The following CDC42BPB variants were observed in gnomAD, a reference collection of about 807,000 sequenced individuals.
CDC42BPB encodes the protein CDC42 binding protein kinase beta.
CDC42BPB carries 37 observed loss-of-function variants against 214.9 expected under a neutral mutation model. The observed-to-expected ratio is 0.17, with a 90% CI of 0.13 to 0.23. CDC42BPB has a LOEUF of 0.23. CDC42BPB is among the 10% of genes least tolerant of loss of function. CDC42BPB has a pLI of 1.00. For synonymous variants in CDC42BPB, 931 were observed against 884.0 expected (o/e 1.05, Z -0.94); for missense variants, 1,694 against 2,227.0 (o/e 0.76, Z 4.82).
At chr14:103,008,249 C>T (rs1362661060) in intron 3 of CDC42BPB, among the ~76,000 whole-genome samples, 1 of 152,236 alleles carries the variant, frequency 6.6e-6, no homozygotes, top group Non-Finnish European at 1.5e-5. Flanking sequence ...CTCGAGGGTG[C>T]ACTCTCAGGA....
At chr14:102,959,552 G>A in intron 21 of CDC42BPB, 79 bp downstream of exon 21, 1 of 954,670 alleles carries the variant, frequency 1.0e-6, no homozygotes, top group East Asian at 2.5e-5. Context: ...GTGGCCCCAT[G>A]AGTGGTAAAA....
intron 1 of CDC42BPB, among the ~76,000 whole-genome samples, chr14:103,049,933 G>C (rs541232429): frequency 2.5e-4 from 38 of 152,248 alleles, no homozygotes; most frequent in African/African-American, 7.7e-4. Flanking sequence ...GGCTGGTCTT[G>C]AACTACTGAC....
chr14:102,936,607 G>A (rs528884620), intron 36 of CDC42BPB, among the ~76,000 whole-genome samples: 8 of 152,130 alleles, frequency 5.3e-5, no homozygotes, highest in Non-Finnish European at 1.0e-4. Context: ...AGGGAGGGAC[G>A]GGGAGAGAGT....
chr14:103,056,222 C>T (rs1888939500), intron 1 of CDC42BPB, among the ~76,000 whole-genome samples: 1 of 152,070 alleles, frequency 6.6e-6, no homozygotes, highest in South Asian at 2.1e-4. Flanking sequence ...TAAGTGATAG[C>T]TCCAGCTACC....
intron 20 of CDC42BPB, 128 bp from the exon 21 acceptor site, chr14:102,959,838 TAAAAAAAAA>T: frequency 2.8e-6 from 2 of 718,152 alleles, no homozygotes; most frequent in Admixed American, 1.0e-4. Context: ...TGATCACAAT[TAAAAAAAAA>T]AAAAAAAAAA....
rs969259163 is a variant in CDC42BPB, at chr14:102,972,409, G to A, written c.1642-248C>T. ...CACACCAAGAAAGGCCCCACAGGCC[G>A]GGCACAGTGGCTCACACCTGTAACC... On this transcript the variant is annotated intron_variant, in intron 12 of 36. Transcript: ENST00000361246. 91 of 842,522 alleles carry A rather than the reference G, an allele frequency of 1.1e-4. No individual in the cohort carries two copies. In the Admixed American group the frequency reaches 1.3e-3, roughly 12 times the overall value. The allele number at this position is 842,522 out of a possible 1,614,324, so 52.2% of individuals were successfully genotyped here.
rs1270731816 is a variant in CDC42BPB, at chr14:102,974,228, C to T, written c.1508-79G>A. On this transcript the variant is annotated intron_variant, in intron 11 of 36. Transcript: ENST00000361246. Reference sequence around the variant, plus strand: ...AACTTTATGTTAGCTGACTTACTGACAGGAAATTATTTAATAATTCACAAC... The same window carrying T: ...AACTTTATGTTAGCTGACTTACTGATAGGAAATTATTTAATAATTCACAAC... 2.6e-6 allele frequency: 4 copies of T among 1,555,468 alleles called. No homozygotes were observed. The Admixed American group carries it at 8.8e-5, about 34-fold the overall frequency.
intron 1 of CDC42BPB, among the ~76,000 whole-genome samples, chr14:103,021,852 C>A (rs1886793523): frequency 1.3e-5 from 2 of 152,142 alleles, no homozygotes; most frequent in Admixed American, 1.3e-4. Flanking sequence ...GCGGTGAGAT[C>A]CTGGCTGTTC....
intron 1 of CDC42BPB, among the ~76,000 whole-genome samples, chr14:103,048,136 A>T (rs987743107): frequency 6.6e-6 from 1 of 152,180 alleles, no homozygotes; most frequent in Admixed American, 6.5e-5. Context: ...GCTGAAACAG[A>T]AAAGTGGCAG....
At chr14:102,977,526 C>T (rs778937147) in intron 9 of CDC42BPB, among the ~76,000 whole-genome samples, 8 of 152,078 alleles carry the variant, frequency 5.3e-5, no homozygotes, top group African/African-American at 1.4e-4. Flanking sequence ...CTTTTAAAAT[C>T]GAGGTGGACC....
At chr14:102,973,818 GC>G (rs1893599876) in intron 12 of CDC42BPB, among the ~76,000 whole-genome samples, 197 bp downstream of exon 12, 2 of 152,242 alleles carry the variant, frequency 1.3e-5, no homozygotes, top group Non-Finnish European at 2.9e-5. Context: ...GCCAAGCTCT[GC>G]CAGCCGACGC....
intron 5 of CDC42BPB, among the ~76,000 whole-genome samples, chr14:102,996,944 A>G (rs1894766857): frequency 6.6e-6 from 1 of 152,324 alleles, no homozygotes; most frequent in African/African-American, 2.4e-5. Flanking sequence ...TGTCTGTTCT[A>G]TCGGGACAGC....
intron 1 of CDC42BPB, among the ~76,000 whole-genome samples, chr14:103,014,261 C>CAGACA (rs1886333752): frequency 6.6e-6 from 1 of 152,078 alleles, no homozygotes; most frequent in African/African-American, 2.4e-5. Flanking sequence ...GGAGCCCACA[C>CAGACA]TGTCTGACTC....
chr14:102,969,818 C>T (rs1384511306), intron 14 of CDC42BPB, among the ~76,000 whole-genome samples: 2 of 152,174 alleles, frequency 1.3e-5, no homozygotes, highest in South Asian at 2.1e-4. Context: ...TCAACTGCAC[C>T]GAATTTAGAA....
intron 34 of CDC42BPB, 128 bp from the exon 35 acceptor site, chr14:102,938,539 C>T: frequency 7.0e-7 from 1 of 1,431,184 alleles, no homozygotes; most frequent in South Asian, 1.5e-5. Flanking sequence ...CAAGAGGGCT[C>T]TCTGGATTGG....
rs576766828 is a variant in CDC42BPB at position 103,053,802 on chromosome 14, G to A, written c.175+3197C>T. ...AGTTGAAATGACTCTTGTCCCATGC[G>A]ACCACTGTGGCAATAAGAAAATATG... On this transcript the variant is annotated intron_variant, in intron 1 of 36. Coordinates refer to ENST00000361246, the MANE Select transcript of CDC42BPB (RefSeq NM_006035.4). Among the ~76,000 whole-genome samples the A allele has an allele frequency of 6.0e-5, 9 of 150,946 alleles. No individual in the cohort carries two copies. The East Asian group carries it at 9.7e-4, about 16-fold the overall frequency.
At chr14:102,987,788 AACACACACACACACACACACAC>A (rs57579935) in intron 5 of CDC42BPB, among the ~76,000 whole-genome samples, 3 of 140,848 alleles carry the variant, frequency 2.1e-5, no homozygotes, top group African/African-American at 5.3e-5. Context: ...CAAACACACA[AACACACACACACACACACACAC>A]ACACACACAC....
intron 5 of CDC42BPB, among the ~76,000 whole-genome samples, chr14:102,989,514 A>T (rs1894394792): frequency 6.6e-6 from 1 of 152,250 alleles, no homozygotes; most frequent in Non-Finnish European, 1.5e-5. Context: ...CACTCTTAGG[A>T]GACTACTTGA....
At chr14:103,002,170 G>A (rs746441355) in intron 4 of CDC42BPB, among the ~76,000 whole-genome samples, 10 of 152,122 alleles carry the variant, frequency 6.6e-5, no homozygotes, top group Non-Finnish European at 1.2e-4. Flanking sequence ...GCCTGCACTC[G>A]GGCCAGCCTC....
Sources: gnomAD v4.1 joint callset for allele counts (sites outside exome capture counted in the v4.1 genomes callset) on GRCh38, gnomAD v4.1.1 for gene constraint, MANE v1.5 for transcripts, NCBI Gene and HGNC (gene_info 2026-07-23, HGNC 2026-07-21) for gene names.